The following TALDO1 variants were observed in gnomAD, a reference collection of about 807,000 sequenced individuals.
TALDO1 encodes transaldolase 1, also known as transaldolase.
TALDO1 carries 29 observed loss-of-function variants against 38.1 expected under a neutral mutation model. The observed-to-expected ratio is 0.76, with a 90% CI of 0.57 to 1.04. TALDO1 has a LOEUF of 1.04. TALDO1 is among the 50% of genes least tolerant of loss of function. The probability of loss-of-function intolerance (pLI) is 0.00; values close to 1 mark genes in which losing one functional copy is unlikely to be tolerated. For missense variants in TALDO1, 499 were observed against 438.1 expected (o/e 1.14, Z -1.24); for synonymous variants, 207 against 176.8 (o/e 1.17, Z -1.36).
At chr11:750,244 C>T (rs1243970035) in intron 1 of TALDO1, among the ~76,000 whole-genome samples, 1 of 152,132 alleles carries the variant, frequency 6.6e-6, no homozygotes, top group Non-Finnish European at 1.5e-5. Context: ...TGTTCTCTAC[C>T]TCTATAGTTT....
intron 1 of TALDO1, 117 bp from the exon 2 acceptor site, chr11:755,762 C>A: frequency 6.6e-7 from 1 of 1,510,320 alleles, no homozygotes; most frequent in Non-Finnish European, 9.1e-7. Flanking sequence ...CTGGACCCCG[C>A]TTTCGGAAAT....
At chr11:759,509 C>T (rs1862896274) in intron 3 of TALDO1, among the ~76,000 whole-genome samples, 1 of 152,140 alleles carries the variant, frequency 6.6e-6, no homozygotes, top group Non-Finnish European at 1.5e-5. Context: ...ATCCACCTGC[C>T]TCGGCCTCCC....
Position 760,205 on chromosome 11 carries a change from G to A in TALDO1, c.413G>A (p.Arg138Gln), listed in dbSNP as rs1348115409. The change falls in exon 4 of 8, where the codon CGA becomes CAA. Residue 138 changes from arginine to glutamine, a missense_variant. Physicochemically the swap from Arg to Gln is conservative, Grantham distance 43. Coordinates refer to ENST00000319006, the MANE Select transcript of TALDO1 (RefSeq NM_006755.2). The stretch of plus-strand genomic sequence containing the variant: ...AAGGAAGCTGGGATCAGCAAGGACC[G>A]AATTCTTATAAAGCTGTCATCAACC... ...LYKEAGISKD[R>Q]ILIKLSSTWE... 8.1e-6 allele frequency: 13 copies of A among 1,614,194 alleles called. 1 individual carries two copies. The highest frequency in any genetic ancestry group is 3.3e-5 in the South Asian group (3 of 91,078).
At chr11:752,078 C>CTTTTT (rs922328675) in intron 1 of TALDO1, among the ~76,000 whole-genome samples, 1 of 150,448 alleles carries the variant, frequency 6.6e-6, no homozygotes, top group Non-Finnish European at 1.5e-5. Flanking sequence ...CTTTTCTTTT[C>CTTTTT]TTTTTTTTTG....
chr11:764,762 G>C (rs371992093), intron 7 of TALDO1, 51 bp from the exon 8 acceptor site: 4 of 1,613,770 alleles, frequency 2.5e-6, no homozygotes, highest in Non-Finnish European at 3.4e-6. Flanking sequence ...GAGGCTTCAA[G>C]GTGCAGAAGG....
At chr11:759,555 C>T (rs545230382) in intron 3 of TALDO1, among the ~76,000 whole-genome samples, 11 of 151,754 alleles carry the variant, frequency 7.2e-5, no homozygotes, top group African/African-American at 9.7e-5. Flanking sequence ...CCACTGTGCC[C>T]GGCTGCTAGT....
rs533318835 is a variant in TALDO1, at chr11:761,636, T to C, written c.461+1383T>C. 4.6e-5 allele frequency among the ~76,000 whole-genome samples: 7 copies of C among 152,098 alleles called. No homozygotes were observed. The South Asian group carries it at 1.2e-3, about 27-fold the overall frequency. On this transcript the variant is annotated intron_variant, in intron 4 of 7. Coordinates refer to ENST00000319006, the MANE Select transcript of TALDO1 (RefSeq NM_006755.2). Reference sequence around the variant, plus strand: ...TCAAATAATTCGCATCAGGAAGAGGTGTTTTGTTTCCACATCTGTGTGTCT... The same window carrying C: ...TCAAATAATTCGCATCAGGAAGAGGCGTTTTGTTTCCACATCTGTGTGTCT...
At chr11:759,860 G>A (rs1177066386) in intron 3 of TALDO1, among the ~76,000 whole-genome samples, 1 of 152,232 alleles carries the variant, frequency 6.6e-6, no homozygotes, top group African/African-American at 2.4e-5. Context: ...GATTACAGGC[G>A]TGAGCCACGG....
chr11:755,806 A>G, intron 1 of TALDO1, 73 bp from the exon 2 acceptor site: 5 of 1,610,930 alleles, frequency 3.1e-6, no homozygotes, highest in Non-Finnish European at 4.2e-6. Flanking sequence ...GGGGAATTAC[A>G]GGGTTCCTTC....
At chr11:764,106 C>A in intron 6 of TALDO1, 162 bp downstream of exon 6, 1 of 1,350,382 alleles carries the variant, frequency 7.4e-7, no homozygotes, top group Non-Finnish European at 1.0e-6. Context: ...CCTAACACAT[C>A]TCACTCAAGT....
rs2133584468 is a variant in TALDO1 at position 764,947 on chromosome 11, G to T, written c.*102G>T. The T allele has an allele frequency of 6.7e-7, 1 of 1,499,930 alleles. No individual in the cohort carries two copies. The highest frequency in any genetic ancestry group is 1.1e-5 in the South Asian group (1 of 88,624). The allele number at this position is 1,499,930 out of a possible 1,614,324, so 92.9% of individuals were successfully genotyped here. ...TTGCGTTTTTTACAAATTGGAGCAG[G>T]GACAGATCATAGATTTCTGATTTTA... On this transcript the variant is annotated 3_prime_UTR_variant, in exon 8 of 8. Transcript: ENST00000319006.
At position 762,206 on chromosome 11, in the gene TALDO1, C is replaced by T. The variant is rs1018149524; in HGVS notation, c.462-1138C>T. 7.3e-5 allele frequency among the ~76,000 whole-genome samples: 11 copies of T among 150,900 alleles called. 1 individual carries two copies. The highest frequency in any genetic ancestry group is 2.1e-4 in the South Asian group (1 of 4,754). On this transcript the variant is annotated intron_variant, in intron 4 of 7. Coordinates refer to ENST00000319006, the MANE Select transcript of TALDO1 (RefSeq NM_006755.2). ...CTCAAACTCCCAGCCTCAGGTGATC[C>T]GCCCGCCTCGGCCTCCCAAAGTGTT... is the stretch of plus-strand genomic sequence containing the variant.
chr11:760,543 T>C, intron 4 of TALDO1: 1 of 431,278 alleles, frequency 2.3e-6, no homozygotes, highest in Non-Finnish European at 4.3e-6. Flanking sequence ...ATTCAGATTC[T>C]GTCCTTCCTC....
intron 6 of TALDO1, 142 bp from the exon 7 acceptor site, chr11:764,146 C>A: frequency 6.7e-7 from 1 of 1,497,820 alleles, no homozygotes; most frequent in Non-Finnish European, 9.2e-7. Context: ...GGCTGAACCC[C>A]ACTTCCAGCG....
At chr11:754,058 C>A (rs1362886057) in intron 1 of TALDO1, among the ~76,000 whole-genome samples, 4 of 152,000 alleles carry the variant, frequency 2.6e-5, no homozygotes, top group African/African-American at 9.7e-5. Flanking sequence ...AATCTCGGCT[C>A]ACTGCAACCT....
intron 1 of TALDO1, among the ~76,000 whole-genome samples, chr11:749,909 T>A (rs1200829409): frequency 1.3e-5 from 2 of 152,152 alleles, no homozygotes; most frequent in Admixed American, 6.5e-5. Context: ...GAAATGGGTA[T>A]AGATGCACAG....
At position 763,363 on chromosome 11, in the gene TALDO1, G is replaced by A. The variant is rs773834325; in HGVS notation, c.481G>A (p.Gly161Ser). 47 of 1,588,592 alleles carry A rather than the reference G, an allele frequency of 3.0e-5. No homozygotes were observed. The East Asian group carries it at 4.9e-4, about 17-fold the overall frequency. Reference protein sequence around the residue: ...QAGKELEEQHGIHCNMTLLFS... With the variant: ...QAGKELEEQHSIHCNMTLLFS... ...CCGCAGGGAGCTCGAGGAGCAGCAC[G>A]GCATCCACTGCAACATGACGTTACT... Residue 161 changes from glycine (G) to serine (S), a missense_variant, in exon 5 of 8, where the codon GGC becomes AGC. Physicochemically the swap from Gly to Ser is moderately conservative, Grantham distance 56. Coordinates refer to ENST00000319006, the MANE Select transcript of TALDO1 (RefSeq NM_006755.2).
chr11:763,708 T>C, intron 5 of TALDO1, 39 bp from the exon 6 acceptor site: 3 of 1,611,000 alleles, frequency 1.9e-6, no homozygotes, highest in Non-Finnish European at 1.7e-6. Context: ...GTGGTACCTC[T>C]GCCGAAGCCT....
In TALDO1 at chr11:764,844, A is replaced by G; in HGVS notation, c.1013A>G (p.Ter338TrpextTer38). 1.2e-6 allele frequency: 2 copies of G among 1,614,120 alleles called. No individual in the cohort carries two copies. Among genetic ancestry groups the G allele is most frequent in the Non-Finnish European group, 1.7e-6 (2 of 1,180,034 alleles). Reference protein sequence around the residue: ...ERMFNAENGK* With the variant: ...ERMFNAENGKW ...ATGTTCAATGCAGAGAATGGAAAGT[A>G]GCGCATCCCTGAGGCTGGACTCCAG... Residue 338 changes from the stop codon to tryptophan (W), a stop_lost, in exon 8 of 8, where the codon TAG becomes TGG. Coordinates refer to ENST00000319006, the MANE Select transcript of TALDO1 (RefSeq NM_006755.2).
Sources: allele counts gnomAD v4.1 joint callset (sites outside exome capture counted in the v4.1 genomes callset), GRCh38; gene constraint gnomAD v4.1.1; transcripts MANE v1.5; gene names NCBI Gene and HGNC (gene_info 2026-07-23, HGNC 2026-07-21).